Variants in CDH20 observed in about 807,000 individuals in gnomAD.
CDH20 encodes cadherin-20.
CDH20 carries 29 observed loss-of-function variants against 74.2 expected under a neutral mutation model. That is an observed-to-expected ratio of 0.39 (90% confidence interval 0.29 to 0.53). The LOEUF is 0.53. Among genes scored for constraint, CDH20 ranks in the 20% least tolerant of loss-of-function variants. The probability of loss-of-function intolerance (pLI) is 0.69; values close to 1 mark genes in which losing one functional copy is unlikely to be tolerated. For missense variants in CDH20, 988 were observed against 1,048.3 expected (o/e 0.94, Z 0.79); for synonymous variants, 469 against 405.4 (o/e 1.16, Z -1.88).
chr18:61,547,962 C>T (rs35053192), intron 10 of CDH20, among the ~76,000 whole-genome samples: 28,968 of 151,990 alleles, frequency 0.19, 3,330 homozygotes, highest in East Asian at 0.52. Flanking sequence ...AATTTCGGCT[C>T]TAGTCAGACT....
At chr18:61,500,554 A>G in intron 4 of CDH20, 52 bp downstream of exon 4, 2 of 1,568,352 alleles carry the variant, frequency 1.3e-6, no homozygotes, top group African/African-American at 1.4e-5. Context: ...ATAATTTATA[A>G]CTGCTGCTAT....
At chr18:61,524,657 G>A (rs1363397460) in intron 6 of CDH20, among the ~76,000 whole-genome samples, 1 of 152,222 alleles carries the variant, frequency 6.6e-6, no homozygotes, top group Non-Finnish European at 1.5e-5. Context: ...GCTCACGCCA[G>A]TAATCCCAGC....
intron 6 of CDH20, among the ~76,000 whole-genome samples, chr18:61,524,243 T>C (rs73453577): frequency 0.05 from 7,647 of 152,034 alleles, 244 homozygotes; most frequent in Middle Eastern, 0.12. Flanking sequence ...AGAACTACAA[T>C]GAGATACCAC....
chr18:61,468,778 T>C (rs760196260), intron 1 of CDH20, among the ~76,000 whole-genome samples: 3 of 152,222 alleles, frequency 2.0e-5, no homozygotes, highest in Non-Finnish European at 4.4e-5. Flanking sequence ...CTATGGATTG[T>C]GGGTGATGCT....
intron 10 of CDH20, among the ~76,000 whole-genome samples, chr18:61,547,342 A>C (rs1470397853): frequency 6.6e-6 from 1 of 152,098 alleles, no homozygotes; most frequent in Non-Finnish European, 1.5e-5. Flanking sequence ...AAAAGCCACC[A>C]CAACAAAAAC....
chr18:61,512,474 A>G (rs1283422173), intron 6 of CDH20, among the ~76,000 whole-genome samples: 2 of 152,226 alleles, frequency 1.3e-5, no homozygotes, highest in African/African-American at 4.8e-5. Context: ...ATTTAAGAAC[A>G]GTTCTTGCCA....
chr18:61,506,319 C>A (rs763806092), intron 5 of CDH20, among the ~76,000 whole-genome samples: 4 of 152,154 alleles, frequency 2.6e-5, no homozygotes, highest in Non-Finnish European at 5.9e-5. Context: ...CAGCTTAGTA[C>A]AAACTTTAAA....
chr18:61,424,497 C>CTA (rs926769380), intron 1 of CDH20, among the ~76,000 whole-genome samples: 4 of 152,202 alleles, frequency 2.6e-5, no homozygotes, highest in Non-Finnish European at 5.9e-5. Flanking sequence ...AGGTTAGATA[C>CTA]TATACCCTTC....
At chr18:61,418,751 C>T (rs542574970) in intron 1 of CDH20, among the ~76,000 whole-genome samples, 1 of 152,154 alleles carries the variant, frequency 6.6e-6, no homozygotes, top group East Asian at 1.9e-4. Context: ...GACCTGAATA[C>T]ATTTTTATGC....
intron 2 of CDH20, among the ~76,000 whole-genome samples, chr18:61,496,481 T>C (rs1911166222): frequency 1.3e-5 from 2 of 151,850 alleles, no homozygotes; most frequent in African/African-American, 4.8e-5. Flanking sequence ...TTACAAGACG[T>C]CAGGCCCACA....
At chr18:61,510,468 T>G (rs1911739035) in intron 6 of CDH20, among the ~76,000 whole-genome samples, 1 of 152,236 alleles carries the variant, frequency 6.6e-6, no homozygotes, top group Admixed American at 6.5e-5. Flanking sequence ...AAAACCACAG[T>G]TATAACATTA....
At chr18:61,470,687 GAAGA>G (rs1004567688) in intron 1 of CDH20, among the ~76,000 whole-genome samples, 3 of 152,132 alleles carry the variant, frequency 2.0e-5, no homozygotes, top group Admixed American at 6.5e-5. Flanking sequence ...TGGTGAAGAG[GAAGA>G]AAGGAAAGAA....
intron 1 of CDH20, among the ~76,000 whole-genome samples, chr18:61,351,801 T>C (rs557824329): frequency 1.3e-5 from 2 of 152,134 alleles, no homozygotes; most frequent in Non-Finnish European, 2.9e-5. Context: ...ATTGATGTCA[T>C]GAATACCTGT....
intron 11 of CDH20, among the ~76,000 whole-genome samples, chr18:61,551,616 TGTG>T (rs890288939): frequency 1.9e-4 from 29 of 152,324 alleles, no homozygotes; most frequent in Middle Eastern, 3.4e-3. Flanking sequence ...CTTGGATCCC[TGTG>T]TCAAGAGAAA....
intron 1 of CDH20, among the ~76,000 whole-genome samples, chr18:61,358,512 A>G (rs1419686918): frequency 6.6e-6 from 1 of 152,026 alleles, no homozygotes; most frequent in African/African-American, 2.4e-5. Flanking sequence ...GTATTTATAT[A>G]CGTAATGGTG....
At chr18:61,460,782 G>T (rs999504214) in intron 1 of CDH20, among the ~76,000 whole-genome samples, 1 of 152,110 alleles carries the variant, frequency 6.6e-6, no homozygotes, top group African/African-American at 2.4e-5. Flanking sequence ...TTAGCCATTT[G>T]TGATTTTCTC....
chr18:61,399,953 T>C (rs991527453), intron 1 of CDH20, among the ~76,000 whole-genome samples: 3 of 152,240 alleles, frequency 2.0e-5, no homozygotes, highest in Non-Finnish European at 4.4e-5. Context: ...TTTCAGTTCT[T>C]AATTATGCAG....
intron 1 of CDH20, among the ~76,000 whole-genome samples, chr18:61,476,935 C>G (rs765168017): frequency 1.3e-5 from 2 of 152,160 alleles, no homozygotes; most frequent in African/African-American, 4.8e-5. Flanking sequence ...CAGAGGCTAA[C>G]TGGACTGAAC....
At chr18:61,464,358 T>C (rs181948242) in intron 1 of CDH20, among the ~76,000 whole-genome samples, 1 of 152,246 alleles carries the variant, frequency 6.6e-6, no homozygotes, top group Non-Finnish European at 1.5e-5. Context: ...TTATTATTTT[T>C]CCTGTCCAAA....
Sources: gnomAD v4.1 joint callset for allele counts (sites outside exome capture counted in the v4.1 genomes callset) on GRCh38, gnomAD v4.1.1 for gene constraint, MANE v1.5 for transcripts, NCBI Gene and HGNC (gene_info 2026-07-23, HGNC 2026-07-21) for gene names.